DTWD2: variants seen among roughly 807,000 people sequenced by gnomAD.
DTWD2 encodes tRNA-uridine aminocarboxypropyltransferase 2.
Under a neutral mutation model 31.8 loss-of-function variants are expected in DTWD2, and 39 were observed. That is an observed-to-expected ratio of 1.22 (90% confidence interval 0.95 to 1.60). DTWD2 has a LOEUF of 1.60. Among genes scored for constraint, DTWD2 ranks in the 40% most tolerant of loss-of-function variants. DTWD2 has a pLI of 0.00. For missense variants in DTWD2, 515 were observed against 381.5 expected, an observed-to-expected ratio of 1.35 and a Z score of -2.92; for synonymous variants, 180 against 142.8, an observed-to-expected ratio of 1.26 and a Z score of -1.86.
At chr5:118,956,598 T>C (rs1754593414) in intron 1 of DTWD2, among the ~76,000 whole-genome samples, 1 of 152,234 alleles carries the variant, frequency 6.6e-6, no homozygotes, top group South Asian at 2.1e-4. Flanking sequence ...AAATTTCTTA[T>C]ATAATATTCA....
intron 4 of DTWD2, among the ~76,000 whole-genome samples, chr5:118,913,997 G>A (rs566828040): frequency 6.6e-6 from 1 of 152,042 alleles, no homozygotes; most frequent in South Asian, 2.1e-4. Flanking sequence ...AAATTAATAT[G>A]TATTAATGCA....
intron 1 of DTWD2, among the ~76,000 whole-genome samples, chr5:118,970,318 T>C (rs900276665): frequency 6.6e-6 from 1 of 152,070 alleles, no homozygotes; most frequent in Admixed American, 6.5e-5. Flanking sequence ...TTCCAGCTAC[T>C]CAGGAGGCTG....
At chr5:118,871,056 C>T (rs1286514734) in intron 4 of DTWD2, among the ~76,000 whole-genome samples, 1 of 151,728 alleles carries the variant, frequency 6.6e-6, no homozygotes, top group Non-Finnish European at 1.5e-5. Context: ...TTGTAGTCAT[C>T]TCAACAATGT....
At chr5:118,930,590 T>C (rs887539338) in intron 3 of DTWD2, among the ~76,000 whole-genome samples, 1 of 152,156 alleles carries the variant, frequency 6.6e-6, no homozygotes, top group African/African-American at 2.4e-5. Context: ...GCATTCTCCA[T>C]AACAAAGGCC....
chr5:118,914,553 G>A (rs540695341), intron 4 of DTWD2, among the ~76,000 whole-genome samples: 1 of 152,120 alleles, frequency 6.6e-6, no homozygotes, highest in African/African-American at 2.4e-5. Context: ...AATATAATAA[G>A]ACATTAAAAG....
chr5:118,893,882 C>T (rs1229241759), intron 4 of DTWD2, among the ~76,000 whole-genome samples: 1 of 152,072 alleles, frequency 6.6e-6, no homozygotes, highest in African/African-American at 2.4e-5. Context: ...CTGAATTCTG[C>T]CAACAAGCCA....
chr5:118,945,328 T>G (rs1005113627), intron 1 of DTWD2, among the ~76,000 whole-genome samples: 3 of 151,764 alleles, frequency 2.0e-5, no homozygotes, highest in Non-Finnish European at 4.4e-5. Flanking sequence ...AGGCTATACC[T>G]CCTATCTCTG....
intron 5 of DTWD2, 24 bp from the exon 6 acceptor site, chr5:118,841,111 A>T: frequency 6.3e-7 from 1 of 1,586,954 alleles, no homozygotes; most frequent in South Asian, 1.1e-5. Context: ...AAAGACACTA[A>T]AAAAGTATCT....
chr5:118,958,460 AAAC>A lies in DTWD2; in HGVS notation c.219-13814_219-13812del, dbSNP rs372346156. Among the ~76,000 whole-genome samples, 114 of 151,416 alleles carry A rather than the reference AAAC, an allele frequency of 7.5e-4. 3 individuals are homozygous for A. The East Asian group carries it at 0.015, about 20-fold the overall frequency. ...GCAACAAAGCAAGACTCCGTCTGAA[AAAC>A]AACAACAACAACAACAACAACAACA... On this transcript the variant is annotated intron_variant, in intron 1 of 5. Coordinates refer to ENST00000510708, the MANE Select transcript of DTWD2 (RefSeq NM_173666.4).
chr5:118,889,936 T>C (rs72784027), intron 4 of DTWD2, among the ~76,000 whole-genome samples: 5,855 of 152,210 alleles, frequency 0.038, 158 homozygotes, highest in Non-Finnish European at 0.057. Flanking sequence ...AATAATATAA[T>C]ACAAAGTAAA....
In DTWD2 at chr5:118,974,742, T is replaced by C. The variant is rs532251274; in HGVS notation, c.218+13552A>G. 6.3e-4 allele frequency: 278 copies of C among 444,710 alleles called. 4 individuals are homozygous for C. The highest frequency in any genetic ancestry group is 4.7e-3 in the South Asian group (256 of 54,526). 27.5% of individuals were successfully genotyped at this position (444,710 alleles called of 1,614,324 possible). ...TTGCTGTTTATTTTTTTTGGCCTGT[T>C]TGATGTATGTGTGAAACAATGTTGT... is the stretch of plus-strand genomic sequence containing the variant. On this transcript the variant is annotated intron_variant, in intron 1 of 5. Coordinates refer to ENST00000510708, the MANE Select transcript of DTWD2 (RefSeq NM_173666.4).
At chr5:118,856,852 A>T (rs1196442896) in intron 4 of DTWD2, among the ~76,000 whole-genome samples, 3 of 134,654 alleles carry the variant, frequency 2.2e-5, no homozygotes, top group Non-Finnish European at 4.6e-5. Flanking sequence ...AGCTCACTGC[A>T]ACCTCTGCCT....
intron 4 of DTWD2, among the ~76,000 whole-genome samples, chr5:118,848,477 T>C (rs1170498819): frequency 5.9e-5 from 9 of 152,118 alleles, no homozygotes; most frequent in Non-Finnish European, 1.0e-4. Context: ...AGAGTGAATA[T>C]ACACTTCACA....
chr5:118,950,937 T>A (rs1754450171), intron 1 of DTWD2, among the ~76,000 whole-genome samples: 1 of 152,108 alleles, frequency 6.6e-6, no homozygotes. Flanking sequence ...GATTGGGTAA[T>A]AAAATGCATA....
At chr5:118,870,826 A>C (rs954300598) in intron 4 of DTWD2, among the ~76,000 whole-genome samples, 4 of 152,094 alleles carry the variant, frequency 2.6e-5, no homozygotes, top group African/African-American at 9.7e-5. Context: ...AGCATTTTAC[A>C]CACAGGAGAA....
chr5:118,916,928 C>T (rs1283485037), intron 4 of DTWD2, among the ~76,000 whole-genome samples: 1 of 152,048 alleles, frequency 6.6e-6, no homozygotes, highest in East Asian at 1.9e-4. Flanking sequence ...TTTCTGACCC[C>T]ATTAGAACTA....
intron 4 of DTWD2, among the ~76,000 whole-genome samples, chr5:118,865,121 G>T (rs534152980): frequency 6.6e-6 from 1 of 152,170 alleles, no homozygotes; most frequent in East Asian, 1.9e-4. Flanking sequence ...ACACCCACAA[G>T]TGAGTACTTA....
intron 1 of DTWD2, among the ~76,000 whole-genome samples, chr5:118,984,187 G>A (rs1430076548): frequency 6.6e-6 from 1 of 152,176 alleles, no homozygotes; most frequent in Admixed American, 6.5e-5. Flanking sequence ...TACTCAGGAG[G>A]CTGAGGCAGG....
chr5:118,939,715 G>A (rs73239080), intron 2 of DTWD2, among the ~76,000 whole-genome samples: 3,527 of 152,048 alleles, frequency 0.023, 147 homozygotes, highest in African/African-American at 0.081. Flanking sequence ...CAAAACAATC[G>A]GTTCTTCCCA....
Sources: gnomAD v4.1 joint callset for allele counts (sites outside exome capture counted in the v4.1 genomes callset) on GRCh38, gnomAD v4.1.1 for gene constraint, MANE v1.5 for transcripts, NCBI Gene and HGNC (gene_info 2026-07-23, HGNC 2026-07-21) for gene names.